CNNM4: variants seen among roughly 807,000 people sequenced by gnomAD.
The protein encoded by CNNM4 is cyclin and CBS domain divalent metal cation transport mediator 4, also known as metal transporter CNNM4.
A neutral mutation model predicts 53.7 loss-of-function variants in CNNM4; 32 were observed. That is an observed-to-expected ratio of 0.60 (90% CI 0.45 to 0.80). The LOEUF (loss-of-function observed/expected upper bound fraction) is 0.80, where lower values mean the gene tolerates loss of function less well. CNNM4 is among the 30% of genes least tolerant of loss of function. The pLI is 0.00. For missense variants in CNNM4, 784 were observed against 1,022.0 expected (o/e 0.77, Z 3.17); for synonymous variants, 410 against 440.0 (o/e 0.93, Z 0.85).
chr2:96,774,959 TCAAAAAAAAA>T (rs2078910863), intron 1 of CNNM4, among the ~76,000 whole-genome samples: 1 of 21,010 alleles, frequency 4.8e-5, no homozygotes, highest in Non-Finnish European at 9.2e-5. Flanking sequence ...AGACTCCATC[TCAAAAAAAAA>T]AAAAAAAAAA....
intron 1 of CNNM4, among the ~76,000 whole-genome samples, chr2:96,772,402 G>C (rs1227971128): frequency 1.2e-5 from 1 of 85,702 alleles, no homozygotes; most frequent in Non-Finnish European, 2.2e-5. Context: ...TGCCCCCCAC[G>C]TAGGCACAGG....
rs575714685 is a variant in CNNM4, at chr2:96,808,031, G to A, written c.1949-530G>A. On this transcript the variant is annotated intron_variant, in intron 5 of 6. Transcript: ENST00000377075. This position sits in a 1 kb window ranked among gnomAD's most constrained non-coding sequence, Gnocchi z 4.9. ...AGCCTCCCAAGTAGCCGGGATTACA[G>A]GTGTTTGCCACCATGCCTGGCTAAT... 1.4e-4 allele frequency among the ~76,000 whole-genome samples: 22 copies of A among 152,022 alleles called. No homozygotes were observed. The highest frequency in any genetic ancestry group is 7.4e-5 in the Non-Finnish European group (5 of 68,006).
chr2:96,760,971 AGCG>A lies in CNNM4; in HGVS notation c.-17_-15del, dbSNP rs1193908155. ...CGGGGCCGCGCGGCGTGGCGCGGGG[AGCG>A]GCGGCGGCGGCAGAGCCAGAGCAAC... On this transcript the variant is annotated 5_prime_UTR_variant, in exon 1 of 7. Transcript: ENST00000377075. 7.9e-5 allele frequency: 79 copies of A among 1,000,098 alleles called. No homozygotes were observed. Among genetic ancestry groups the A allele is most frequent in the East Asian group, 1.9e-4 (2 of 10,436 alleles). 62.0% of individuals were successfully genotyped at this position (1,000,098 alleles called of 1,614,324 possible). A position where few individuals can be genotyped will look rare whatever the true frequency, so the allele number is the denominator to read the frequency against.
intron 1 of CNNM4, among the ~76,000 whole-genome samples, chr2:96,794,459 G>T (rs1468364564): frequency 6.6e-6 from 1 of 152,136 alleles, no homozygotes; most frequent in African/African-American, 2.4e-5. Context: ...AAGGCAGATG[G>T]CTCCATGCAT....
chr2:96,796,214 G>A lies in CNNM4; in HGVS notation c.1403-798G>A, dbSNP rs183129885. 4.8e-3 allele frequency among the ~76,000 whole-genome samples: 645 copies of A among 134,796 alleles called. 27 individuals carry two copies. In the Admixed American group the frequency reaches 0.05, roughly 10 times the overall value. The allele number at this position is 134,796 out of a possible 152,430, so 88.4% of individuals were successfully genotyped here. ...GGCTGGAGTGCAGTGGCGTGATCTCGGCTCACTGCAACCTCTGCCTCCCGG... is the reference window on the plus strand; with the variant it reads ...GGCTGGAGTGCAGTGGCGTGATCTCAGCTCACTGCAACCTCTGCCTCCCGG... On this transcript the variant is annotated intron_variant, in intron 1 of 6. Coordinates refer to ENST00000377075, the MANE Select transcript of CNNM4 (RefSeq NM_020184.4).
intron 1 of CNNM4, chr2:96,788,802 T>G (rs1359446751): frequency 1.3e-5 from 2 of 151,882 alleles, no homozygotes; most frequent in Non-Finnish European, 2.9e-5. Flanking sequence ...ACTCATTGAG[T>G]AAGATGCAGA....
intron 1 of CNNM4, among the ~76,000 whole-genome samples, chr2:96,790,248 C>G (rs1443285853): frequency 1.3e-5 from 2 of 151,870 alleles, no homozygotes; most frequent in Non-Finnish European, 2.9e-5. Context: ...CCTCGTGATC[C>G]ACGCGCCTCG....
chr2:96,762,299 G>A lies in CNNM4; in HGVS notation c.1300G>A (p.Asp434Asn), dbSNP rs543996339. ...AGACTTGGCCTTTGTGGACCCCGAT[G>A]ACTGCACCCCCCTCAAGACTATCAC... ...VKDLAFVDPD[D>N]CTPLKTITRF... Residue 434 changes from aspartate to asparagine, a missense_variant, in exon 1 of 7, where the codon GAC becomes AAC. Physicochemically the swap from Asp to Asn is conservative, Grantham distance 23 (BLOSUM62 1). Around this residue, in one of 3 missense-constraint regions of CNNM4, gnomAD observed 473 missense variants for 624.6 expected, o/e 0.76. Coordinates refer to ENST00000377075, the MANE Select transcript of CNNM4 (RefSeq NM_020184.4). 7.4e-6 allele frequency: 12 copies of A among 1,614,162 alleles called. 1 individual carries two copies. The South Asian group carries it at 1.1e-4, about 15-fold the overall frequency.
chr2:96,793,980 A>G (rs2079082883), intron 1 of CNNM4, among the ~76,000 whole-genome samples: 1 of 152,198 alleles, frequency 6.6e-6, no homozygotes, highest in Non-Finnish European at 1.5e-5. Flanking sequence ...AAAAAAAATA[A>G]AAACAGAGAG....
At position 96,797,692 on chromosome 2, in the gene CNNM4, G is replaced by A. The variant is rs770220478; in HGVS notation, c.1681+45G>A. 2.1e-5 allele frequency: 33 copies of A among 1,609,750 alleles called. No individual in the cohort carries two copies. The highest frequency in any genetic ancestry group is 2.7e-5 in the African/African-American group (2 of 74,902). On this transcript the variant is annotated intron_variant, in intron 3 of 6. Transcript: ENST00000377075. This position sits in a 1 kb window ranked among gnomAD's most constrained non-coding sequence, Gnocchi z 6.0. ...CCGGTCTTGGTGGAAATACGGTCAC[G>A]GGGGAGAAGTCCTGGGTTTCCGGCT...
At chr2:96,806,993 T>A (rs571634007) in intron 5 of CNNM4, among the ~76,000 whole-genome samples, 19 of 152,214 alleles carry the variant, frequency 1.2e-4, no homozygotes, top group Admixed American at 1.0e-3. Context: ...GCTGAGTAGG[T>A]TGTGTGCAAA....
intron 1 of CNNM4, among the ~76,000 whole-genome samples, chr2:96,772,808 CAT>C (rs1298528814): frequency 6.7e-6 from 1 of 149,398 alleles, no homozygotes; most frequent in Non-Finnish European, 1.5e-5. Flanking sequence ...CACACACACT[CAT>C]ACCCGCACAT....
Position 96,808,563 on chromosome 2 carries a change from C to G in CNNM4, c.1951C>G (p.Arg651Gly), listed in dbSNP as rs756301978. The G allele has an allele frequency of 8.7e-6, 14 of 1,613,870 alleles. No individual in the cohort carries two copies. Among genetic ancestry groups the G allele is most frequent in the Admixed American group, 3.3e-5 (2 of 59,972 alleles). ...GACAACCTCTGCTCTCCCTGCAGAC[C>G]GTTCCCCAGCACACCCCACCCCACT... Reference protein sequence around the residue: ...TMALTSVPSDRSPAHPTPLSR... With the variant: ...TMALTSVPSDGSPAHPTPLSR... The change falls in exon 6 of 7, where the codon CGT becomes GGT. Residue 651 changes from arginine (R) to glycine (G), a missense_variant and splice_region_variant. Transcript: ENST00000377075. The surrounding 1 kb of genome is among the most constrained non-coding windows in gnomAD (Gnocchi z 4.9).
intron 1 of CNNM4, among the ~76,000 whole-genome samples, chr2:96,793,891 G>C (rs879794740): frequency 5.3e-5 from 8 of 152,138 alleles, no homozygotes; most frequent in Non-Finnish European, 1.0e-4. Context: ...GGAGGTGAAG[G>C]TTGCAGTGAG....
chr2:96,786,413 C>CA (rs774326774), intron 1 of CNNM4, among the ~76,000 whole-genome samples: 11,648 of 97,514 alleles, frequency 0.12, 495 homozygotes, highest in Middle Eastern at 0.2. Context: ...GACTCTGTCT[C>CA]AAAAAAAAAA....
intron 5 of CNNM4, among the ~76,000 whole-genome samples, chr2:96,807,237 C>T (rs758904976): frequency 1.3e-5 from 2 of 152,112 alleles, no homozygotes; most frequent in East Asian, 3.9e-4. Flanking sequence ...TCTTGAACTC[C>T]GGCTCAAGCA....
chr2:96,806,155 G>A (rs1459461257), intron 5 of CNNM4, among the ~76,000 whole-genome samples: 1 of 151,652 alleles, frequency 6.6e-6, no homozygotes, highest in Non-Finnish European at 1.5e-5. Flanking sequence ...CCTCCCGGAC[G>A]GGGCGGCTGG....
intron 5 of CNNM4, among the ~76,000 whole-genome samples, chr2:96,803,798 G>C (rs951378790): frequency 3.9e-5 from 6 of 151,942 alleles, no homozygotes; most frequent in Non-Finnish European, 8.8e-5. Context: ...GTAGCTTATT[G>C]GGAAAATAGA....
intron 1 of CNNM4, chr2:96,789,013 C>T (rs942090403): frequency 1.9e-4 from 29 of 152,270 alleles, no homozygotes; most frequent in Admixed American, 3.9e-4. Flanking sequence ...GGAAGGAGGA[C>T]GCAGCAGTTT....
Sources: gnomAD v4.1 joint callset for allele counts (sites outside exome capture counted in the v4.1 genomes callset) on GRCh38, gnomAD v4.1.1 for gene constraint, gnomAD v4.1.1 regional missense constraint, Gnocchi (gnomAD v3.1) non-coding constraint, MANE v1.5 for transcripts, NCBI Gene and HGNC (gene_info 2026-07-23, HGNC 2026-07-21) for gene names.